Variants in ORC3 observed in about 807,000 individuals in gnomAD.
The protein encoded by ORC3 is homolog of latheo, Drosophila.
In ORC3, 78 loss-of-function variants were observed where a neutral mutation model predicts 100.7. That is an observed-to-expected ratio of 0.77 (90% CI 0.65 to 0.94). The LOEUF is 0.94. ORC3 is among the 40% of genes least tolerant of loss of function. The pLI, the probability that ORC3 is intolerant of heterozygous loss-of-function variation, is 0.00. For missense variants in ORC3, 789 were observed against 823.9 expected (o/e 0.96, Z 0.52); for synonymous variants, 295 against 289.3 (o/e 1.02, Z -0.20).
chr6:87,667,191 C>G lies in ORC3; in HGVS notation c.*68C>G. 1.1e-6 allele frequency: 1 copy of G among 921,072 alleles called. No individual in the cohort carries two copies. The allele number at this position is 921,072 out of a possible 1,614,324, so 57.1% of individuals were successfully genotyped here. A position where few individuals can be genotyped will look rare whatever the true frequency, so the allele number is the denominator to read the frequency against. ...AGAAAAAGGTGACCAGTCATATTTA[C>G]ATATATTAGAGGAGCCTGTTTTGTT... On this transcript the variant is annotated 3_prime_UTR_variant, in exon 20 of 20. Coordinates refer to ENST00000392844, the MANE Select transcript of ORC3 (RefSeq NM_012381.4).
intron 7 of ORC3, among the ~76,000 whole-genome samples, chr6:87,611,283 G>C (rs914071932): frequency 6.6e-6 from 1 of 152,002 alleles, no homozygotes; most frequent in Non-Finnish European, 1.5e-5. Flanking sequence ...CCAGATCCTA[G>C]GACTTTTCTT....
intron 2 of ORC3, chr6:87,595,047 A>G (rs1777331989): frequency 6.6e-6 from 1 of 152,254 alleles, no homozygotes; most frequent in Non-Finnish European, 1.5e-5. Context: ...TGTATGGAGC[A>G]TTTTAGAACT....
At chr6:87,654,158 C>CT (rs1447775067) in intron 14 of ORC3, among the ~76,000 whole-genome samples, 1 of 151,898 alleles carries the variant, frequency 6.6e-6, no homozygotes, top group Non-Finnish European at 1.5e-5. Context: ...TGTTTTAATC[C>CT]TTTTTTATGT....
intron 16 of ORC3, among the ~76,000 whole-genome samples, chr6:87,658,300 A>G (rs530313437): frequency 1.8e-3 from 271 of 152,234 alleles, no homozygotes; most frequent in African/African-American, 6.3e-3. Flanking sequence ...TACTGAAAGT[A>G]CAAAAAATTA....
intron 16 of ORC3, 73 bp downstream of exon 16, chr6:87,658,091 C>G: frequency 1.3e-6 from 1 of 766,592 alleles, no homozygotes. Context: ...TCATAGCTGT[C>G]TATAGCCAAT....
intron 19 of ORC3, 28 bp from the exon 20 acceptor site, chr6:87,666,990 G>A (rs552170957): frequency 2.3e-5 from 32 of 1,387,030 alleles, no homozygotes; most frequent in South Asian, 1.0e-4. Flanking sequence ...AATACAGCAC[G>A]GCCAGTTTCC....
At chr6:87,662,722 T>A (rs1010249259) in intron 16 of ORC3, among the ~76,000 whole-genome samples, 1 of 152,166 alleles carries the variant, frequency 6.6e-6, no homozygotes, top group Non-Finnish European at 1.5e-5. Context: ...CAGCTTCTTA[T>A]AAAGAGTCTA....
At chr6:87,677,619 G>A in the ORC3 span, among the ~76,000 whole-genome samples, 1 of 152,086 alleles carries the variant, frequency 6.6e-6, no homozygotes, top group African/African-American at 2.4e-5. Flanking sequence ...TGATCTACAC[G>A]GCTAGCCAAT....
chr6:87,618,572 G>C (rs1017619107), intron 9 of ORC3, among the ~76,000 whole-genome samples: 2 of 152,190 alleles, frequency 1.3e-5, no homozygotes, highest in Non-Finnish European at 1.5e-5. Flanking sequence ...AAATAGGAGC[G>C]AGCCAGGTCA....
At chr6:87,650,843 A>G (rs982642078) in intron 13 of ORC3, 3 of 252,996 alleles carry the variant, frequency 1.2e-5, no homozygotes, top group African/African-American at 6.6e-5. Context: ...CCCTGCCTCT[A>G]CTAAAAATAC....
At chr6:87,610,617 A>C (rs1778683365) in intron 7 of ORC3, among the ~76,000 whole-genome samples, 1 of 133,828 alleles carries the variant, frequency 7.5e-6, no homozygotes, top group African/African-American at 3.1e-5. Context: ...GCAGTGGCGC[A>C]ATCTCGGCTC....
chr6:87,643,207 C>T (rs1768415305), intron 13 of ORC3, among the ~76,000 whole-genome samples: 2 of 152,058 alleles, frequency 1.3e-5, no homozygotes, highest in Admixed American at 6.5e-5. Flanking sequence ...CCTGTAATCC[C>T]AGCACTTTGG....
intron 13 of ORC3, among the ~76,000 whole-genome samples, chr6:87,648,989 T>G (rs1769027414): frequency 6.6e-6 from 1 of 152,156 alleles, no homozygotes; most frequent in Non-Finnish European, 1.5e-5. Context: ...ACACCAACCA[T>G]GTACCAGTGT....
chr6:87,630,661 A>G (rs1383691553), intron 11 of ORC3, among the ~76,000 whole-genome samples: 1 of 152,220 alleles, frequency 6.6e-6, no homozygotes, highest in African/African-American at 2.4e-5. Context: ...GAAGAAGGAT[A>G]TGAAGTTCCA....
At chr6:87,614,600 A>G (rs1426736202) in intron 8 of ORC3, among the ~76,000 whole-genome samples, 4 of 152,144 alleles carry the variant, frequency 2.6e-5, no homozygotes, top group South Asian at 2.1e-4. Flanking sequence ...ACAGAACTCA[A>G]GTCACCTCTT....
At chr6:87,598,780 A>G (rs1777660521) in intron 2 of ORC3, among the ~76,000 whole-genome samples, 1 of 152,178 alleles carries the variant, frequency 6.6e-6, no homozygotes, top group Non-Finnish European at 1.5e-5. Flanking sequence ...ACATACCCAG[A>G]CTTTAACATT....
chr6:87,607,388 G>T (rs1207156181), intron 5 of ORC3, among the ~76,000 whole-genome samples: 2 of 151,758 alleles, frequency 1.3e-5, no homozygotes, highest in Non-Finnish European at 2.9e-5. Context: ...CCGAGATCCT[G>T]CCACTGTACT....
rs1289008126 is a variant in ORC3, at chr6:87,656,944, A to G, written c.1555A>G (p.Lys519Glu). Residue 519 changes from lysine (K) to glutamate (E), a missense_variant, in exon 15 of 20, where the codon AAG (lysine) becomes GAG (glutamate). Around this residue, in one of 3 missense-constraint regions of ORC3, gnomAD observed 366 missense variants for 394.2 expected, o/e 0.93. Coordinates refer to ENST00000392844, the MANE Select transcript of ORC3 (RefSeq NM_012381.4). The stretch of plus-strand genomic sequence containing the variant: ...AGAAGATGCTTCTGGGTCACAGCCA[A>G]AGGGGCTTCAGAAGACAGACCTCTA... ...EEEDASGSQP[K>E]GLQKTDLYHL... is the part of the protein sequence containing the mutation. 6.2e-7 allele frequency: 1 copy of G among 1,613,430 alleles called. No homozygotes were observed. Among genetic ancestry groups the G allele is most frequent in the East Asian group, 2.2e-5 (1 of 44,842 alleles).
At chr6:87,612,315 A>T (rs1333639068) in intron 8 of ORC3, 67 bp downstream of exon 8, 7 of 1,100,470 alleles carry the variant, frequency 6.4e-6, no homozygotes, top group African/African-American at 4.8e-5. Flanking sequence ...GATTGTTAAG[A>T]TAACTGTTAA....
Sources: gnomAD v4.1 joint callset for allele counts (sites outside exome capture counted in the v4.1 genomes callset) on GRCh38, gnomAD v4.1.1 for gene constraint, gnomAD v4.1.1 regional missense constraint, MANE v1.5 for transcripts, NCBI Gene and HGNC (gene_info 2026-07-23, HGNC 2026-07-21) for gene names.